The following AXDND1 variants were observed in gnomAD, a reference collection of about 807,000 sequenced individuals.
AXDND1 encodes axonemal dynein light chain domain-containing protein 1.
In AXDND1, 110 loss-of-function variants were observed where a neutral mutation model predicts 137.5. The observed-to-expected ratio is 0.80, with a 90% CI of 0.69 to 0.94. The LOEUF (loss-of-function observed/expected upper bound fraction) is 0.94. Ranked by LOEUF, AXDND1 falls within the 40% of genes least tolerant of loss-of-function variation. The pLI, the probability that AXDND1 is intolerant of heterozygous loss-of-function variation, is 0.00. For synonymous variants in AXDND1, 414 were observed against 399.7 expected, an observed-to-expected ratio of 1.04 and a Z score of -0.43; for missense variants, 1,191 against 1,169.8, an observed-to-expected ratio of 1.02 and a Z score of -0.26.
At chr1:179,532,129 A>G (rs1671092300) in intron 23 of AXDND1, among the ~76,000 whole-genome samples, 1 of 152,212 alleles carries the variant, frequency 6.6e-6, no homozygotes, top group South Asian at 2.1e-4. Context: ...GTCATTTCAG[A>G]CCACGGTCTG....
At chr1:179,377,467 T>C (rs1273573713) in intron 4 of AXDND1, among the ~76,000 whole-genome samples, 2 of 152,180 alleles carry the variant, frequency 1.3e-5, no homozygotes, top group Non-Finnish European at 2.9e-5. Flanking sequence ...TAATGCCTAT[T>C]GTTTTCTGTC....
At chr1:179,442,702 C>T (rs896580802) in intron 15 of AXDND1, among the ~76,000 whole-genome samples, 11 of 152,120 alleles carry the variant, frequency 7.2e-5, no homozygotes, top group South Asian at 4.2e-4. Context: ...ACCTTACATC[C>T]GCTGCCGGCA....
At chr1:179,376,249 A>T (rs1461516611) in intron 4 of AXDND1, among the ~76,000 whole-genome samples, 1 of 151,956 alleles carries the variant, frequency 6.6e-6, no homozygotes, top group Non-Finnish European at 1.5e-5. Context: ...ATACTGAGGG[A>T]TATGTGGGGG....
intron 12 of AXDND1, among the ~76,000 whole-genome samples, chr1:179,418,790 G>C (rs1655147248): frequency 6.6e-6 from 1 of 151,962 alleles, no homozygotes; most frequent in African/African-American, 2.4e-5. Context: ...TGGGGTGGCT[G>C]CTGGACGGAG....
At chr1:179,518,745 T>A (rs987982345) in intron 21 of AXDND1, among the ~76,000 whole-genome samples, 3 of 152,238 alleles carry the variant, frequency 2.0e-5, no homozygotes, top group Non-Finnish European at 4.4e-5. Flanking sequence ...CTGCATAGTA[T>A]TCCATGGTGT....
At chr1:179,508,581 A>G (rs887782699) in intron 20 of AXDND1, among the ~76,000 whole-genome samples, 2 of 152,176 alleles carry the variant, frequency 1.3e-5, no homozygotes, top group Non-Finnish European at 1.5e-5. Flanking sequence ...CTTGGTAAAT[A>G]CAGTTTAACT....
chr1:179,510,304 C>CT (rs1668912716), intron 21 of AXDND1, among the ~76,000 whole-genome samples: 1 of 152,120 alleles, frequency 6.6e-6, no homozygotes, highest in South Asian at 2.1e-4. Flanking sequence ...ATTTCAGCCT[C>CT]TTTGAAGGCG....
At chr1:179,418,804 C>A (rs1423022341) in intron 12 of AXDND1, among the ~76,000 whole-genome samples, 1 of 151,924 alleles carries the variant, frequency 6.6e-6, no homozygotes, top group African/African-American at 2.4e-5. Context: ...GACGGAGGGG[C>A]TCCTCACTTC....
chr1:179,518,979 T>C (rs531753206), intron 21 of AXDND1, among the ~76,000 whole-genome samples: 2 of 152,296 alleles, frequency 1.3e-5, no homozygotes, highest in Admixed American at 6.5e-5. Context: ...TCTTCCACCA[T>C]GGCTGAACTA....
chr1:179,387,925 G>C lies in AXDND1; in HGVS notation c.863+2566G>C, dbSNP rs1240929623. ...CTGATCAGTACTTAGCTGAACACTTGAGGGAGATCTTCTGCATATCTTGTA... is the reference window on the plus strand; with the variant it reads ...CTGATCAGTACTTAGCTGAACACTTCAGGGAGATCTTCTGCATATCTTGTA... On this transcript the variant is annotated intron_variant, in intron 9 of 25. Transcript: ENST00000367618. Among the ~76,000 whole-genome samples, 4 of 152,106 alleles carry C rather than the reference G, an allele frequency of 2.6e-5. No homozygotes were observed. The East Asian group carries it at 7.7e-4, about 29-fold the overall frequency.
At chr1:179,412,532 C>T (rs916569722) in intron 12 of AXDND1, among the ~76,000 whole-genome samples, 1 of 151,912 alleles carries the variant, frequency 6.6e-6, no homozygotes, top group South Asian at 2.1e-4. Context: ...GTCAAGTGTC[C>T]TAAAGCTAGA....
intron 15 of AXDND1, 76 bp from the exon 16 acceptor site, chr1:179,444,894 G>A (rs1198438643): frequency 9.1e-6 from 9 of 993,478 alleles, no homozygotes; most frequent in Non-Finnish European, 1.4e-5. Context: ...AGTCACTGGG[G>A]AATAAGCATC....
chr1:179,369,424 G>T lies in AXDND1; in HGVS notation c.270+452G>T, dbSNP rs142333439. 8.7e-3 allele frequency among the ~76,000 whole-genome samples: 1,323 copies of T among 152,268 alleles called. 41 individuals carry two copies. Among genetic ancestry groups the T allele is most frequent in the Admixed American group, 0.056 (854 of 15,286 alleles). ...TAATCCCAGCACTTTGGGAGGCTGA[G>T]GCAGGCAGATCACGAGGTCAGGAGA... On this transcript the variant is annotated intron_variant, in intron 3 of 25. Coordinates refer to ENST00000367618, the MANE Select transcript of AXDND1 (RefSeq NM_144696.6).
chr1:179,410,614 A>G (rs1457182303), intron 11 of AXDND1, among the ~76,000 whole-genome samples: 7 of 152,264 alleles, frequency 4.6e-5, no homozygotes, highest in African/African-American at 1.2e-4. Flanking sequence ...ACAATAGTTA[A>G]GAAAAAGCTG....
At chr1:179,537,718 A>T (rs1671692302) in intron 25 of AXDND1, among the ~76,000 whole-genome samples, 1 of 152,198 alleles carries the variant, frequency 6.6e-6, no homozygotes, top group Non-Finnish European at 1.5e-5. Context: ...AAAATAAGTT[A>T]GGCAGGATTC....
At chr1:179,369,049 C>A in intron 3 of AXDND1, 77 bp downstream of exon 3, 2 of 1,352,582 alleles carry the variant, frequency 1.5e-6, no homozygotes, top group Admixed American at 2.2e-5. Flanking sequence ...ATTTATTATG[C>A]ACATATTATA....
At chr1:179,447,718 C>A in intron 16 of AXDND1, 1 of 1,348,982 alleles carries the variant, frequency 7.4e-7, no homozygotes, top group Non-Finnish European at 1.1e-6. Flanking sequence ...CATGACTTTA[C>A]CTAAACTATT....
chr1:179,496,431 C>A (rs1667456067), intron 20 of AXDND1, among the ~76,000 whole-genome samples: 2 of 151,996 alleles, frequency 1.3e-5, no homozygotes, highest in Admixed American at 6.6e-5. Context: ...ATTTCCTTTT[C>A]TTGAGTGAGC....
At chr1:179,446,239 A>G (rs1384771856) in intron 16 of AXDND1, among the ~76,000 whole-genome samples, 2 of 152,170 alleles carry the variant, frequency 1.3e-5, no homozygotes, top group Non-Finnish European at 2.9e-5. Context: ...CTAAGGTTTC[A>G]TACTACCAGA....
Sources: gnomAD v4.1 joint callset for allele counts (sites outside exome capture counted in the v4.1 genomes callset) on GRCh38, gnomAD v4.1.1 for gene constraint, MANE v1.5 for transcripts, NCBI Gene and HGNC (gene_info 2026-07-23, HGNC 2026-07-21) for gene names.